MRRF: variants seen among roughly 807,000 people sequenced by gnomAD.
MRRF encodes the protein mitochondrial ribosome recycling factor.
A neutral mutation model predicts 25.1 loss-of-function variants in MRRF; 18 were observed. That is an observed-to-expected ratio of 0.72 (90% CI 0.50 to 1.06). The LOEUF is 1.06. Ranked by LOEUF, MRRF falls within the 50% of genes least tolerant of loss-of-function variation. The probability of loss-of-function intolerance (pLI) is 0.00; values close to 1 mark genes in which losing one functional copy is unlikely to be tolerated. For synonymous variants in MRRF, 113 were observed against 112.1 expected (o/e 1.01, Z -0.05); for missense variants, 323 against 319.3 (o/e 1.01, Z -0.09).
intron 5 of MRRF, among the ~76,000 whole-genome samples, chr9:122,305,230 G>A (rs926820022): frequency 2.6e-5 from 4 of 151,886 alleles, no homozygotes; most frequent in African/African-American, 9.7e-5. Flanking sequence ...GGCCAACATA[G>A]CGAAACCCCA....
chr9:122,265,848 C>T (rs1832042850), intron 1 of MRRF: 2 of 930,936 alleles, frequency 2.1e-6, no homozygotes, highest in Non-Finnish European at 3.0e-6. Flanking sequence ...GTTAAAGTGT[C>T]TCATTCCTTC....
intron 5 of MRRF, among the ~76,000 whole-genome samples, chr9:122,295,975 C>T (rs1834058633): frequency 1.3e-5 from 2 of 152,204 alleles, no homozygotes. Flanking sequence ...AATGAGTCTA[C>T]TGAGTATGTG....
chr9:122,294,012 C>T (rs1228902316), intron 5 of MRRF, among the ~76,000 whole-genome samples: 2 of 152,202 alleles, frequency 1.3e-5, no homozygotes, highest in African/African-American at 4.8e-5. Flanking sequence ...TAAATGTACA[C>T]ATGGACGTTA....
chr9:122,306,349 CT>C (rs1283552901), intron 5 of MRRF, among the ~76,000 whole-genome samples: 3 of 152,154 alleles, frequency 2.0e-5, no homozygotes, highest in Non-Finnish European at 4.4e-5. Flanking sequence ...CATTTATTAG[CT>C]TGTTTAATCC....
intron 6 of MRRF, among the ~76,000 whole-genome samples, chr9:122,319,701 G>A (rs904296912): frequency 1.3e-5 from 2 of 152,084 alleles, no homozygotes; most frequent in Non-Finnish European, 2.9e-5. Flanking sequence ...TTTTAGGCAA[G>A]TGTCTGACAT....
chr9:122,302,141 TG>T (rs1415261660), intron 5 of MRRF, among the ~76,000 whole-genome samples: 3 of 152,196 alleles, frequency 2.0e-5, no homozygotes, highest in East Asian at 3.8e-4. Flanking sequence ...ATACAAGTAT[TG>T]TTCAATGTTG....
intron 5 of MRRF, among the ~76,000 whole-genome samples, chr9:122,305,018 C>T (rs1245083519): frequency 6.6e-6 from 1 of 152,044 alleles, no homozygotes; most frequent in East Asian, 1.9e-4. Flanking sequence ...TCATAGCTCA[C>T]TGCCACTTCG....
intron 5 of MRRF, among the ~76,000 whole-genome samples, chr9:122,295,666 G>A (rs895453657): frequency 6.6e-6 from 1 of 152,016 alleles, no homozygotes; most frequent in East Asian, 1.9e-4. Context: ...GGCTGGTCTC[G>A]AACTCTTGAC....
rs1196728786 is a variant in MRRF, at chr9:122,310,446, C to T, written c.552-2781C>T. ...TCAGCTTCATGCTGTCCCTCCACTA[C>T]ATCTCCCACTGTGCTTCCCAAAATG... On this transcript the variant is annotated intron_variant, in intron 5 of 6. Transcript: ENST00000344641. Among the ~76,000 whole-genome samples, 3 of 152,360 alleles carry T rather than the reference C, an allele frequency of 2.0e-5. No individual in the cohort carries two copies. In the East Asian group the frequency reaches 5.8e-4, roughly 29 times the overall value.
intron 5 of MRRF, among the ~76,000 whole-genome samples, chr9:122,293,442 C>T (rs192726682): frequency 6.6e-6 from 1 of 152,300 alleles, no homozygotes; most frequent in Admixed American, 6.5e-5. Flanking sequence ...TACCCATACC[C>T]ATGCAGACAA....
intron 5 of MRRF, among the ~76,000 whole-genome samples, chr9:122,292,192 G>C (rs1182680523): frequency 6.6e-6 from 1 of 152,188 alleles, no homozygotes; most frequent in African/African-American, 2.4e-5. Context: ...AAGGATGATG[G>C]TGGCAGGGGC....
chr9:122,267,580 A>G (rs1198889662), intron 1 of MRRF, among the ~76,000 whole-genome samples: 1 of 152,132 alleles, frequency 6.6e-6, no homozygotes, highest in Non-Finnish European at 1.5e-5. Context: ...AACTGGGACT[A>G]TAGGCACCCA....
rs373908967 is a variant in MRRF, at chr9:122,325,225, A to G, written c.*2608A>G. ...TTCTGTACTTGGGTTCCACATGTCAACAATTTCTCTCCTGTGTGTATGTTG... is the reference window on the plus strand; with the variant it reads ...TTCTGTACTTGGGTTCCACATGTCAGCAATTTCTCTCCTGTGTGTATGTTG... On this transcript the variant is annotated 3_prime_UTR_variant, in exon 7 of 7. Coordinates refer to ENST00000344641, the MANE Select transcript of MRRF (RefSeq NM_138777.5). 7.9e-5 allele frequency: 12 copies of G among 152,316 alleles called. No homozygotes were observed. Among genetic ancestry groups the G allele is most frequent in the Admixed American group, 5.2e-4 (8 of 15,306 alleles). 9.4% of individuals were successfully genotyped at this position (152,316 alleles called of 1,614,324 possible). A position where few individuals can be genotyped will look rare whatever the true frequency, so the allele number is the denominator to read the frequency against.
intron 2 of MRRF, among the ~76,000 whole-genome samples, chr9:122,271,719 G>A (rs1359747181): frequency 6.6e-6 from 1 of 152,204 alleles, no homozygotes; most frequent in Non-Finnish European, 1.5e-5. Context: ...TGCTGGACCT[G>A]ATGAAGGTAG....
intron 6 of MRRF, among the ~76,000 whole-genome samples, chr9:122,318,722 T>C (rs1305815992): frequency 6.6e-6 from 1 of 152,242 alleles, no homozygotes. Flanking sequence ...CAGGGTATTA[T>C]GTTGGCAAGG....
chr9:122,268,777 A>G (rs542188886), intron 1 of MRRF, among the ~76,000 whole-genome samples: 3 of 152,322 alleles, frequency 2.0e-5, no homozygotes, highest in South Asian at 4.1e-4. Flanking sequence ...TATAGACTTC[A>G]TACACTGATC....
chr9:122,299,886 G>A (rs555111051), intron 5 of MRRF, among the ~76,000 whole-genome samples: 2 of 152,284 alleles, frequency 1.3e-5, no homozygotes, highest in East Asian at 1.9e-4. Context: ...AGATTGATGG[G>A]CTTTGGGGTT....
At position 122,330,155 on chromosome 9, in the gene MRRF, A is replaced by C. The variant is rs1179328932; in HGVS notation, c.*7538A>C. The C allele has an allele frequency of 1.3e-5, 2 of 152,404 alleles. No homozygotes were observed. Among genetic ancestry groups the C allele is most frequent in the African/African-American group, 4.8e-5 (2 of 41,452 alleles). The allele number at this position is 152,404 out of a possible 1,614,324, so 9.4% of individuals were successfully genotyped here. On this transcript the variant is annotated 3_prime_UTR_variant, in exon 7 of 7. Coordinates refer to ENST00000344641, the MANE Select transcript of MRRF (RefSeq NM_138777.5). The surrounding 1 kb of genome is among the most constrained non-coding windows in gnomAD (Gnocchi z 4.2). Reference sequence around the variant, plus strand: ...GCATCTGCAGCCACAAGTGACACTTAAGGGAGATTTACCTCCACTACTGGG... The same window carrying C: ...GCATCTGCAGCCACAAGTGACACTTCAGGGAGATTTACCTCCACTACTGGG...
intron 3 of MRRF, among the ~76,000 whole-genome samples, chr9:122,282,061 T>C (rs1833121011): frequency 6.6e-6 from 1 of 152,230 alleles, no homozygotes; most frequent in Admixed American, 6.5e-5. Flanking sequence ...TCCTCTTTCC[T>C]TTCTCTTCAG....
Sources: gnomAD v4.1 joint callset for allele counts (sites outside exome capture counted in the v4.1 genomes callset) on GRCh38, gnomAD v4.1.1 for gene constraint, Gnocchi (gnomAD v3.1) non-coding constraint, MANE v1.5 for transcripts, NCBI Gene and HGNC (gene_info 2026-07-23, HGNC 2026-07-21) for gene names.